The following PCSK5 variants were observed in gnomAD, a reference collection of about 807,000 sequenced individuals.
PCSK5 encodes proprotein convertase subtilisin/kexin type 5.
In PCSK5, 129 loss-of-function variants were observed where a neutral mutation model predicts 233.2. The ratio of observed to expected loss-of-function variants is 0.55; its 90% CI spans 0.48 to 0.64. PCSK5 has a LOEUF of 0.64. PCSK5 is among the 30% of genes least tolerant of loss of function. The pLI, the probability that PCSK5 is intolerant of heterozygous loss-of-function variation, is 0.00. For missense variants in PCSK5, 2,076 were observed against 2,430.1 expected (o/e 0.85, Z 3.06); for synonymous variants, 825 against 879.2 (o/e 0.94, Z 1.09).
At chr9:76,239,394 C>T (rs933110122) in intron 23 of PCSK5, among the ~76,000 whole-genome samples, 1 of 152,116 alleles carries the variant, frequency 6.6e-6, no homozygotes, top group Non-Finnish European at 1.5e-5. Context: ...TAGGAATGCA[C>T]TTAAGTGTAT....
Position 76,193,407 on chromosome 9 carries a change from TAAAAAGA to T in PCSK5, c.2626+3668_2626+3674del, listed in dbSNP as rs1431514598. 6.6e-6 allele frequency: 4 copies of T among 609,190 alleles called. No individual in the cohort carries two copies. The African/African-American group carries it at 2.4e-4, about 37-fold the overall frequency. 37.7% of individuals were successfully genotyped at this position (609,190 alleles called of 1,614,324 possible). ...AGACTTATAGATTATTCCATATTAT[TAAAAAGA>T]AAAAAGCCAAAAAGAAAAAAAAAAA... On this transcript the variant is annotated intron_variant, in intron 20 of 37. Coordinates refer to ENST00000674117, the MANE Select transcript of PCSK5 (RefSeq NM_001372043.1).
chr9:75,997,152 T>A (rs1027134460), intron 3 of PCSK5, among the ~76,000 whole-genome samples: 1 of 152,332 alleles, frequency 6.6e-6, no homozygotes, highest in East Asian at 1.9e-4. Context: ...TTTAGATTTC[T>A]TCATTTACAA....
intron 7 of PCSK5, among the ~76,000 whole-genome samples, chr9:76,079,457 G>T (rs1420052918): frequency 6.6e-6 from 1 of 152,042 alleles, no homozygotes; most frequent in Non-Finnish European, 1.5e-5. Context: ...TCTTTATATG[G>T]TTCTCAACTT....
At chr9:76,028,657 A>G (rs545652933) in intron 5 of PCSK5, among the ~76,000 whole-genome samples, 2 of 152,216 alleles carry the variant, frequency 1.3e-5, no homozygotes, top group East Asian at 3.9e-4. Flanking sequence ...CCCCAGGAGC[A>G]ATTTGGGGAG....
chr9:76,300,964 T>TC (rs1828581436), intron 27 of PCSK5, among the ~76,000 whole-genome samples: 1 of 152,166 alleles, frequency 6.6e-6, no homozygotes, highest in Admixed American at 6.5e-5. Context: ...CAGCATTCCC[T>TC]GGGTCACAAA....
At chr9:76,285,372 G>GTCAA (rs1828031750) in intron 24 of PCSK5, among the ~76,000 whole-genome samples, 1 of 152,210 alleles carries the variant, frequency 6.6e-6, no homozygotes, top group African/African-American at 2.4e-5. Context: ...GCCTAAGAGA[G>GTCAA]TCAAAGTGGA....
intron 34 of PCSK5, among the ~76,000 whole-genome samples, chr9:76,335,068 A>AC (rs1829638687): frequency 6.6e-6 from 1 of 152,196 alleles, no homozygotes; most frequent in Non-Finnish European, 1.5e-5. Context: ...ACAGAACAAG[A>AC]CCCTGTCTTA....
intron 5 of PCSK5, among the ~76,000 whole-genome samples, chr9:76,041,843 G>GCA (rs1554677386): frequency 7.6e-6 from 1 of 131,026 alleles, no homozygotes; most frequent in East Asian, 2.3e-4. Context: ...TGTCTCAAGG[G>GCA]AAAAAAAAAA....
At chr9:76,126,942 T>A (rs1261211842) in intron 9 of PCSK5, among the ~76,000 whole-genome samples, 1 of 152,148 alleles carries the variant, frequency 6.6e-6, no homozygotes, top group Non-Finnish European at 1.5e-5. Flanking sequence ...TTATACAAAT[T>A]TTTCTTTAAA....
intron 2 of PCSK5, among the ~76,000 whole-genome samples, chr9:75,976,963 T>C (rs1158011184): frequency 1.3e-5 from 2 of 152,172 alleles, no homozygotes; most frequent in Admixed American, 6.5e-5. Context: ...CTGTGTGCTT[T>C]GATTATGGAC....
In PCSK5 at chr9:76,219,430, C is replaced by T. The variant is rs114998416; in HGVS notation, c.2627-8073C>T. 8.2e-3 allele frequency among the ~76,000 whole-genome samples: 1,249 copies of T among 152,254 alleles called. 17 individuals are homozygous for T. Among genetic ancestry groups the T allele is most frequent in the African/African-American group, 0.027 (1,135 of 41,542 alleles). ...CTAAAAAAACGAAAGAGGATGATAA[C>T]AAGTCTCATCCATGTGTCGGTGTTT... On this transcript the variant is annotated intron_variant, in intron 20 of 37. Coordinates refer to ENST00000674117, the MANE Select transcript of PCSK5 (RefSeq NM_001372043.1).
At chr9:76,138,745 A>G (rs1408443662) in intron 10 of PCSK5, among the ~76,000 whole-genome samples, 1 of 152,116 alleles carries the variant, frequency 6.6e-6, no homozygotes, top group Admixed American at 6.6e-5. Flanking sequence ...AGGAACAGGA[A>G]TAGACGTCAG....
intron 10 of PCSK5, among the ~76,000 whole-genome samples, chr9:76,151,249 C>G (rs1698415302): frequency 6.6e-6 from 1 of 152,196 alleles, no homozygotes. Context: ...CAGCTGCAGG[C>G]AGCTCTTTGA....
At chr9:75,980,648 A>G (rs1261884013) in intron 2 of PCSK5, among the ~76,000 whole-genome samples, 1 of 152,214 alleles carries the variant, frequency 6.6e-6, no homozygotes. Context: ...TAACAATGCC[A>G]ATATTTAAAA....
chr9:75,961,261 C>G (rs1323124391), intron 2 of PCSK5, among the ~76,000 whole-genome samples: 2 of 152,176 alleles, frequency 1.3e-5, no homozygotes, highest in Non-Finnish European at 2.9e-5. Flanking sequence ...ATACAAAATG[C>G]CACTCACTTG....
At chr9:76,242,408 AT>A (rs1826458185) in intron 24 of PCSK5, among the ~76,000 whole-genome samples, 1 of 152,216 alleles carries the variant, frequency 6.6e-6, no homozygotes, top group African/African-American at 2.4e-5. Flanking sequence ...TTGCCCCATT[AT>A]CTTCCACTAT....
intron 9 of PCSK5, among the ~76,000 whole-genome samples, chr9:76,108,624 G>A (rs533070330): frequency 5.2e-4 from 79 of 152,272 alleles, no homozygotes; most frequent in African/African-American, 1.8e-3. Flanking sequence ...GTGGTGGTGG[G>A]CACCTGTAGT....
rs115478671 is a variant in PCSK5 at position 76,219,826 on chromosome 9, G to A, written c.2627-7677G>A. ...CAAGGGTGACTTGCATCAGGTTGTC[G>A]GCGCTGCTTTCTGAAAGATAAATAA... On this transcript the variant is annotated intron_variant, in intron 20 of 37. Coordinates refer to ENST00000674117, the MANE Select transcript of PCSK5 (RefSeq NM_001372043.1). Among the ~76,000 whole-genome samples, 1,271 of 152,266 alleles carry A rather than the reference G, an allele frequency of 8.3e-3. 18 individuals are homozygous for A. The highest frequency in any genetic ancestry group is 0.028 in the African/African-American group (1,150 of 41,550).
chr9:76,330,403 CT>C (rs1829492614), intron 33 of PCSK5, among the ~76,000 whole-genome samples: 1 of 152,116 alleles, frequency 6.6e-6, no homozygotes, highest in Non-Finnish European at 1.5e-5. Flanking sequence ...AGTATGAGCA[CT>C]TTTCTCCCCC....
Sources: allele counts gnomAD v4.1 joint callset (sites outside exome capture counted in the v4.1 genomes callset), GRCh38; gene constraint gnomAD v4.1.1; transcripts MANE v1.5; gene names NCBI Gene and HGNC (gene_info 2026-07-23, HGNC 2026-07-21).